The following FKBP1A variants were observed in gnomAD, a reference collection of about 807,000 sequenced individuals.
The protein encoded by FKBP1A is peptidyl-prolyl cis-trans isomerase FKBP1A.
A neutral mutation model predicts 14.2 loss-of-function variants in FKBP1A; 5 were observed. The ratio of observed to expected loss-of-function variants is 0.35; its 90% CI spans 0.18 to 0.74. The LOEUF is 0.74. FKBP1A is among the 30% of genes least tolerant of loss of function. The pLI, the probability that FKBP1A is intolerant of heterozygous loss-of-function variation, is 0.56. For missense variants in FKBP1A, 53 were observed against 138.8 expected, an observed-to-expected ratio of 0.38 and a Z score of 3.10; for synonymous variants, 42 against 49.1, an observed-to-expected ratio of 0.86 and a Z score of 0.60.
intron 2 of FKBP1A, among the ~76,000 whole-genome samples, chr20:1,384,113 C>G (rs2089646067): frequency 6.6e-6 from 1 of 152,170 alleles, no homozygotes; most frequent in Non-Finnish European, 1.5e-5. Context: ...TAGTCTCTAG[C>G]TCATGATCAC....
chr20:1,388,293 T>A (rs2089691334), intron 2 of FKBP1A, among the ~76,000 whole-genome samples: 1 of 152,208 alleles, frequency 6.6e-6, no homozygotes. Flanking sequence ...GAGTATTCTA[T>A]AACTAGCCTG....
In FKBP1A at chr20:1,386,439, T is replaced by C. The variant is rs2089669738; in HGVS notation, c.85+6395A>G. ...CTATGCCAAGACTGATGGGGAGACC[T>C]TGGAGAACAACACTAGTGTGGGTCT... On this transcript the variant is annotated intron_variant, in intron 2 of 4. Transcript: ENST00000400137. This position sits in a 1 kb window ranked among gnomAD's most constrained non-coding sequence, Gnocchi z 4.7. 6.6e-6 allele frequency among the ~76,000 whole-genome samples: 1 copy of C among 152,226 alleles called. No homozygotes were observed. The highest frequency in any genetic ancestry group is 6.5e-5 in the Admixed American group (1 of 15,278).
chr20:1,390,409 T>G (rs1473117682), intron 2 of FKBP1A, among the ~76,000 whole-genome samples: 1 of 151,188 alleles, frequency 6.6e-6, no homozygotes, highest in Non-Finnish European at 1.5e-5. Flanking sequence ...CACCCACCAG[T>G]TGGGAGAAGC....
At chr20:1,374,896 G>A (rs924574872) in intron 3 of FKBP1A, among the ~76,000 whole-genome samples, 4 of 152,176 alleles carry the variant, frequency 2.6e-5, no homozygotes, top group African/African-American at 9.7e-5. Context: ...GAGCGCAATG[G>A]CACAATCTTG....
At position 1,379,376 on chromosome 20, in the gene FKBP1A, C is replaced by T. The variant is rs937710034; in HGVS notation, c.86-3773G>A. The stretch of plus-strand genomic sequence containing the variant: ...TCTGCTGCTGCTGCTGCTGCTGAGC[C>T]AGCATGGAGATGTGTATGTTCTTCA... On this transcript the variant is annotated intron_variant, in intron 2 of 4. Transcript: ENST00000400137. The surrounding 1 kb of genome is among the most constrained non-coding windows in gnomAD (Gnocchi z 4.3). Among the ~76,000 whole-genome samples, 67 of 152,312 alleles carry T rather than the reference C, an allele frequency of 4.4e-4. No individual in the cohort carries two copies. The highest frequency in any genetic ancestry group is 2.9e-5 in the Non-Finnish European group (2 of 68,022).
chr20:1,384,649 G>A (rs2089651269), intron 2 of FKBP1A, among the ~76,000 whole-genome samples: 1 of 152,094 alleles, frequency 6.6e-6, no homozygotes, highest in South Asian at 2.1e-4. Flanking sequence ...ATTTAGATAG[G>A]CAAAAGATAC....
At chr20:1,390,469 AACAAAACAAAAC>A (rs1294238329) in intron 2 of FKBP1A, among the ~76,000 whole-genome samples, 2 of 152,142 alleles carry the variant, frequency 1.3e-5, no homozygotes, top group Admixed American at 1.3e-4. Flanking sequence ...TCAGGCAGGA[AACAAAACAAAAC>A]ACAAAACAAC....
chr20:1,385,385 A>G (rs538785874), intron 2 of FKBP1A, among the ~76,000 whole-genome samples: 8 of 152,274 alleles, frequency 5.3e-5, no homozygotes, highest in South Asian at 2.1e-4. Flanking sequence ...GTGAGACTCC[A>G]TCTCCAAAAA....
chr20:1,375,857 G>A (rs1054673113), intron 2 of FKBP1A, among the ~76,000 whole-genome samples: 8 of 152,054 alleles, frequency 5.3e-5, no homozygotes, highest in African/African-American at 1.5e-4. Flanking sequence ...AGAGATGAGC[G>A]GCAGTCCACC....
chr20:1,381,503 G>A (rs1029371183), intron 2 of FKBP1A, among the ~76,000 whole-genome samples: 2 of 152,164 alleles, frequency 1.3e-5, no homozygotes, highest in Non-Finnish European at 2.9e-5. Context: ...ATAACATAAA[G>A]CTTCAGAAAA....
At chr20:1,384,723 C>A (rs1172145055) in intron 2 of FKBP1A, among the ~76,000 whole-genome samples, 5 of 151,856 alleles carry the variant, frequency 3.3e-5, no homozygotes, top group Non-Finnish European at 1.5e-5. Context: ...TCCAGCACAA[C>A]CTCCCTGAAG....
intron 3 of FKBP1A, among the ~76,000 whole-genome samples, chr20:1,374,975 TAC>T (rs912017832): frequency 2.6e-5 from 4 of 152,202 alleles, no homozygotes; most frequent in Admixed American, 6.5e-5. Context: ...TAGCTGGGAT[TAC>T]AGGCACCTGC....
chr20:1,386,496 A>G lies in FKBP1A; in HGVS notation c.85+6338T>C, dbSNP rs1277819019. On this transcript the variant is annotated intron_variant, in intron 2 of 4. Transcript: ENST00000400137. The surrounding 1 kb of genome is among the most constrained non-coding windows in gnomAD (Gnocchi z 4.7). The stretch of plus-strand genomic sequence containing the variant: ...CTGGAGCCTTCAGTCGGTTGGGGAA[A>G]GAGCAGATGTTTAACTACACGGATC... Among the ~76,000 whole-genome samples, 2 of 152,366 alleles carry G rather than the reference A, an allele frequency of 1.3e-5. No individual in the cohort carries two copies. Among genetic ancestry groups the G allele is most frequent in the South Asian group, 2.1e-4 (1 of 4,830 alleles).
intron 2 of FKBP1A, among the ~76,000 whole-genome samples, chr20:1,391,199 G>C (rs1197306884): frequency 1.3e-5 from 2 of 152,166 alleles, no homozygotes; most frequent in African/African-American, 4.8e-5. Flanking sequence ...AGGGTGGGGA[G>C]GGGGTGCGGC....
At chr20:1,371,873 T>C in intron 4 of FKBP1A, 5 of 1,303,430 alleles carry the variant, frequency 3.8e-6, no homozygotes, top group Non-Finnish European at 4.9e-6. Context: ...AACATACACA[T>C]GCCAATTCCT....
At chr20:1,371,048 A>C (rs996378319) in intron 4 of FKBP1A, 25 of 985,448 alleles carry the variant, frequency 2.5e-5, no homozygotes, top group Non-Finnish European at 2.9e-5. Context: ...ACCAGGTTAC[A>C]AGTAGCTCTG....
At chr20:1,389,437 G>C (rs755976246) in intron 2 of FKBP1A, among the ~76,000 whole-genome samples, 2 of 152,194 alleles carry the variant, frequency 1.3e-5, no homozygotes, top group Non-Finnish European at 2.9e-5. Flanking sequence ...TAGCAAGGGA[G>C]TGGATGGAAT....
chr20:1,389,650 T>A (rs2089710230), intron 2 of FKBP1A, among the ~76,000 whole-genome samples: 1 of 152,154 alleles, frequency 6.6e-6, no homozygotes, highest in Non-Finnish European at 1.5e-5. Context: ...AAGGACAAAA[T>A]GTCCAGTTAG....
At chr20:1,385,194 A>T (rs1008517010) in intron 2 of FKBP1A, among the ~76,000 whole-genome samples, 1 of 152,154 alleles carries the variant, frequency 6.6e-6, no homozygotes, top group Non-Finnish European at 1.5e-5. Context: ...GTTTGAGACC[A>T]GCCTGGGCAA....
Sources: allele counts gnomAD v4.1 joint callset (sites outside exome capture counted in the v4.1 genomes callset), GRCh38; gene constraint gnomAD v4.1.1; non-coding constraint Gnocchi (gnomAD v3.1); transcripts MANE v1.5; gene names NCBI Gene and HGNC (gene_info 2026-07-23, HGNC 2026-07-21).